The following PTPRD variants were observed in gnomAD, a reference collection of about 807,000 sequenced individuals.
PTPRD encodes protein tyrosine phosphatase receptor type D.
In PTPRD, 34 loss-of-function variants were observed where a neutral mutation model predicts 214.5. The ratio of observed to expected loss-of-function variants is 0.16; its 90% confidence interval spans 0.12 to 0.21. The LOEUF is 0.21. Among genes scored for constraint, PTPRD ranks in the 10% least tolerant of loss-of-function variants. PTPRD has a pLI of 1.00. For missense variants in PTPRD, 2,545 were observed against 2,398.7 expected, an observed-to-expected ratio of 1.06 and a Z score of -1.27; for synonymous variants, 1,128 against 845.7, an observed-to-expected ratio of 1.33 and a Z score of -5.79.
intron 5 of PTPRD, among the ~76,000 whole-genome samples, chr9:9,931,678 T>G (rs1325324308): frequency 6.6e-6 from 1 of 150,994 alleles, no homozygotes; most frequent in Non-Finnish European, 1.5e-5. Flanking sequence ...CCAGGCGTGC[T>G]TAGGTAAACA....
chr9:9,984,044 T>C (rs2095628582), intron 4 of PTPRD, among the ~76,000 whole-genome samples: 1 of 152,174 alleles, frequency 6.6e-6, no homozygotes, highest in African/African-American at 2.4e-5. Context: ...GTAGCAGTGA[T>C]TGGAAAAATG....
chr9:8,907,720 G>C (rs1262129260), intron 11 of PTPRD, among the ~76,000 whole-genome samples: 1 of 151,688 alleles, frequency 6.6e-6, no homozygotes, highest in East Asian at 1.9e-4. Flanking sequence ...GGAAGAGTCA[G>C]TGATTCTAAA....
intron 34 of PTPRD, chr9:8,437,097 A>G (rs566903182): frequency 1.7e-5 from 14 of 810,824 alleles, no homozygotes; most frequent in East Asian, 5.4e-5. Flanking sequence ...AATGGTGTAA[A>G]GTGAAATAAG....
At chr9:8,658,774 G>A (rs1009168306) in intron 12 of PTPRD, among the ~76,000 whole-genome samples, 2 of 151,638 alleles carry the variant, frequency 1.3e-5, no homozygotes, top group Non-Finnish European at 2.9e-5. Context: ...AGGATGAGGC[G>A]GTATCTATTT....
chr9:8,434,925 T>C (rs1338807188), intron 35 of PTPRD, among the ~76,000 whole-genome samples: 1 of 152,160 alleles, frequency 6.6e-6, no homozygotes, highest in Non-Finnish European at 1.5e-5. Context: ...AGGAAAGAAA[T>C]AAGCTGCGAC....
At chr9:8,719,817 G>C (rs762816343) in intron 12 of PTPRD, among the ~76,000 whole-genome samples, 17 of 151,366 alleles carry the variant, frequency 1.1e-4, no homozygotes, top group Non-Finnish European at 2.2e-4. Context: ...TAGGGCTTTA[G>C]CTAATGTATA....
rs577296023 is a variant in PTPRD at position 9,464,740 on chromosome 9, T to C, written c.-236-67258A>G. Among the ~76,000 whole-genome samples the C allele has an allele frequency of 2.6e-5, 4 of 152,294 alleles. No homozygotes were observed. In the South Asian group the frequency reaches 8.3e-4, roughly 32 times the overall value. ...ATCCATCTGCAGTAAACATGAGTTT[T>C]TAGCAATGAGTACCTTTTTATTTAT... On this transcript the variant is annotated intron_variant, in intron 8 of 45. Transcript: ENST00000381196.
At chr9:9,209,035 C>G (rs916580479) in intron 9 of PTPRD, among the ~76,000 whole-genome samples, 1 of 152,010 alleles carries the variant, frequency 6.6e-6, no homozygotes, top group African/African-American at 2.4e-5. Flanking sequence ...GTCTCGATCT[C>G]CTGACCTCGT....
chr9:8,999,376 A>G (rs2099409075), intron 11 of PTPRD, among the ~76,000 whole-genome samples: 1 of 152,054 alleles, frequency 6.6e-6, no homozygotes, highest in Non-Finnish European at 1.5e-5. Flanking sequence ...TGGAGGAACA[A>G]CCCTGCACTA....
intron 3 of PTPRD, among the ~76,000 whole-genome samples, chr9:10,253,349 G>T (rs538544130): frequency 1.6e-4 from 24 of 152,236 alleles, no homozygotes; most frequent in African/African-American, 5.5e-4. Flanking sequence ...GCAATTTTAT[G>T]CTCTTCCTCT....
chr9:10,049,049 A>AT (rs1279189225), intron 3 of PTPRD, among the ~76,000 whole-genome samples: 1 of 152,114 alleles, frequency 6.6e-6, no homozygotes, highest in Non-Finnish European at 1.5e-5. Context: ...GTTTGAGAAA[A>AT]AAGATGGAGA....
At chr9:9,276,271 T>C (rs1187511481) in intron 9 of PTPRD, among the ~76,000 whole-genome samples, 1 of 151,372 alleles carries the variant, frequency 6.6e-6, no homozygotes, top group Non-Finnish European at 1.5e-5. Context: ...TCCTGTCTGT[T>C]TGATTCTTTA....
chr9:10,261,634 G>A (rs1037375603), intron 3 of PTPRD, among the ~76,000 whole-genome samples: 6 of 151,976 alleles, frequency 3.9e-5, no homozygotes, highest in African/African-American at 1.4e-4. Context: ...AGTCTTCAGA[G>A]AAAACAATGA....
At chr9:10,199,945 C>G (rs1050651961) in intron 3 of PTPRD, among the ~76,000 whole-genome samples, 1 of 151,554 alleles carries the variant, frequency 6.6e-6, no homozygotes, top group Non-Finnish European at 1.5e-5. Flanking sequence ...ATCCTTCATA[C>G]TGAGGAAATA....
chr9:8,572,174 G>A (rs2091327509), intron 14 of PTPRD, among the ~76,000 whole-genome samples: 1 of 152,042 alleles, frequency 6.6e-6, no homozygotes, highest in African/African-American at 2.4e-5. Context: ...TGGACTGAAT[G>A]TTTGAGTTTG....
At chr9:9,634,566 T>A (rs551005982) in intron 7 of PTPRD, among the ~76,000 whole-genome samples, 2 of 152,310 alleles carry the variant, frequency 1.3e-5, no homozygotes, top group Admixed American at 1.3e-4. Flanking sequence ...AATAAATGCT[T>A]GATCATATCT....
chr9:8,448,588 T>C (rs2095825277), intron 34 of PTPRD, among the ~76,000 whole-genome samples: 1 of 152,140 alleles, frequency 6.6e-6, no homozygotes, highest in Non-Finnish European at 1.5e-5. Flanking sequence ...GAAATAATTT[T>C]TTTTAAAGTC....
rs373844877 is a variant in PTPRD, at chr9:9,505,774, G to A, written c.-237+68958C>T. Among the ~76,000 whole-genome samples the A allele has an allele frequency of 5.3e-5, 8 of 151,530 alleles. No individual in the cohort carries two copies. In the South Asian group the frequency reaches 1.7e-3, roughly 31 times the overall value. Reference sequence around the variant, plus strand: ...AAATGTTTAATATATTTATAACAGTGATAAACCTTTTAAATTTATTTATGA... The same window carrying A: ...AAATGTTTAATATATTTATAACAGTAATAAACCTTTTAAATTTATTTATGA... On this transcript the variant is annotated intron_variant, in intron 8 of 45. Transcript: ENST00000381196.
chr9:9,311,804 T>C (rs1959092942), intron 9 of PTPRD, among the ~76,000 whole-genome samples: 1 of 152,156 alleles, frequency 6.6e-6, no homozygotes, highest in African/African-American at 2.4e-5. Context: ...CCAATTGACC[T>C]GTACTTTGCA....
Sources: allele counts gnomAD v4.1 joint callset (sites outside exome capture counted in the v4.1 genomes callset), GRCh38; gene constraint gnomAD v4.1.1; transcripts MANE v1.5; gene names NCBI Gene and HGNC (gene_info 2026-07-23, HGNC 2026-07-21).